The following DTWD2 variants were observed in gnomAD, a reference collection of about 807,000 sequenced individuals.
DTWD2 encodes the protein tRNA-uridine aminocarboxypropyltransferase 2.
In DTWD2, 39 loss-of-function variants were observed where a neutral mutation model predicts 31.8. The ratio of observed to expected loss-of-function variants is 1.22; its 90% CI spans 0.95 to 1.60. The LOEUF (loss-of-function observed/expected upper bound fraction) is 1.60. Ranked by LOEUF, DTWD2 falls within the 40% of genes most tolerant of loss-of-function variation. The pLI is 0.00. For missense variants in DTWD2, 515 were observed against 381.5 expected (o/e 1.35, Z -2.92); for synonymous variants, 180 against 142.8 (o/e 1.26, Z -1.86).
At chr5:118,851,580 T>C (rs1171413355) in intron 4 of DTWD2, among the ~76,000 whole-genome samples, 1 of 151,418 alleles carries the variant, frequency 6.6e-6, no homozygotes, top group East Asian at 1.9e-4. Flanking sequence ...TAAGTGTCTA[T>C]GTTCAGCTGT....
In DTWD2 at chr5:118,903,497, T is replaced by C. The variant is rs551581755; in HGVS notation, c.597+25040A>G. Among the ~76,000 whole-genome samples the C allele has an allele frequency of 3.7e-4, 56 of 152,132 alleles. 1 individual carries two copies. The highest frequency in any genetic ancestry group is 3.5e-3 in the Admixed American group (53 of 15,284). On this transcript the variant is annotated intron_variant, in intron 4 of 5. Transcript: ENST00000510708. ...TGTTAAAGGGTTGAAAATATTCCAATTGCACACAGTGAAAATTAAATTATG... is the reference window on the plus strand; with the variant it reads ...TGTTAAAGGGTTGAAAATATTCCAACTGCACACAGTGAAAATTAAATTATG...
rs535422932 is a variant in DTWD2, at chr5:118,847,266, G to A, written c.726+824C>T. ...GAAGGCAGGAAAGAGTACCTCTTTC[G>A]CGTGTGTATGTGCGTGTGTGCATCC... is the stretch of plus-strand genomic sequence containing the variant. On this transcript the variant is annotated intron_variant, in intron 5 of 5. Transcript: ENST00000510708. Among the ~76,000 whole-genome samples, 263 of 152,084 alleles carry A rather than the reference G, an allele frequency of 1.7e-3. 2 individuals are homozygous for A. Among genetic ancestry groups the A allele is most frequent in the Middle Eastern group, 0.01 (3 of 294 alleles).
At chr5:118,920,264 G>A (rs890728207) in intron 4 of DTWD2, among the ~76,000 whole-genome samples, 4 of 151,202 alleles carry the variant, frequency 2.6e-5, no homozygotes, top group South Asian at 2.1e-4. Context: ...GGAAAACTGG[G>A]GTATCATATA....
At chr5:118,849,604 T>G (rs1751950012) in intron 4 of DTWD2, among the ~76,000 whole-genome samples, 1 of 152,136 alleles carries the variant, frequency 6.6e-6, no homozygotes, top group Non-Finnish European at 1.5e-5. Context: ...TTATTCACAA[T>G]AGCAAAGACT....
chr5:118,836,300 G>T lies in DTWD2; in HGVS notation c.*4617C>A, dbSNP rs1013350241. On this transcript the variant is annotated 3_prime_UTR_variant, in exon 6 of 6. Coordinates refer to ENST00000510708, the MANE Select transcript of DTWD2 (RefSeq NM_173666.4). ...CTGTCGCCCAGGCTAGAGTGCAGTG[G>T]TACATCTCAGCTCACTGCAACCTCT... Among the ~76,000 whole-genome samples, 4 of 151,994 alleles carry T rather than the reference G, an allele frequency of 2.6e-5. No individual in the cohort carries two copies. Among genetic ancestry groups the T allele is most frequent in the African/African-American group, 7.3e-5 (3 of 41,368 alleles).
At chr5:118,944,180 A>G (rs1394790018) in intron 2 of DTWD2, among the ~76,000 whole-genome samples, 2 of 152,252 alleles carry the variant, frequency 1.3e-5, no homozygotes, top group East Asian at 3.8e-4. Context: ...GTAAAATGCC[A>G]AAGTTACTTC....
intron 4 of DTWD2, among the ~76,000 whole-genome samples, chr5:118,852,429 C>A (rs566946404): frequency 2.0e-5 from 3 of 152,086 alleles, no homozygotes; most frequent in Non-Finnish European, 4.4e-5. Flanking sequence ...TCCATGAAAT[C>A]TTCACAATTT....
At chr5:118,929,007 T>C (rs186401446) in intron 3 of DTWD2, among the ~76,000 whole-genome samples, 75 of 152,334 alleles carry the variant, frequency 4.9e-4, no homozygotes, top group African/African-American at 1.7e-3. Context: ...GACATAACTT[T>C]AGCCCTTCCA....
At chr5:118,914,921 T>C (rs1054794206) in intron 4 of DTWD2, among the ~76,000 whole-genome samples, 3 of 152,116 alleles carry the variant, frequency 2.0e-5, no homozygotes, top group African/African-American at 7.2e-5. Flanking sequence ...AAAATCCTTA[T>C]AAAACAAAAA....
At chr5:118,979,683 G>C (rs949430925) in intron 1 of DTWD2, among the ~76,000 whole-genome samples, 6 of 152,362 alleles carry the variant, frequency 3.9e-5, no homozygotes, top group African/African-American at 1.2e-4. Context: ...TAAGGAATGA[G>C]ATCATGTCCT....
intron 4 of DTWD2, among the ~76,000 whole-genome samples, chr5:118,910,229 T>C (rs977666072): frequency 1.3e-5 from 2 of 152,246 alleles, no homozygotes; most frequent in African/African-American, 4.8e-5. Flanking sequence ...CATTTTACTA[T>C]AAGCATTTAA....
chr5:118,964,202 A>G (rs1471920809), intron 1 of DTWD2, among the ~76,000 whole-genome samples: 1 of 148,988 alleles, frequency 6.7e-6, no homozygotes, highest in Non-Finnish European at 1.5e-5. Flanking sequence ...TGAGCAACAG[A>G]GCAAGACTCC....
rs1396969756 is a variant in DTWD2, at chr5:118,936,749, G to GA, written c.404+2446dup. ...AAAAGAGAAATTAAATCCAAAGCAA[G>GA]AAAAAAATTGACAATAAAGAGTAGA... On this transcript the variant is annotated intron_variant, in intron 3 of 5. Transcript: ENST00000510708. Among the ~76,000 whole-genome samples, 3 of 151,228 alleles carry GA rather than the reference G, an allele frequency of 2.0e-5. No homozygotes were observed. The South Asian group carries it at 6.3e-4, about 32-fold the overall frequency.
At chr5:118,848,016 A>G (rs1751899300) in intron 5 of DTWD2, 74 bp downstream of exon 5, 11 of 1,385,802 alleles carry the variant, frequency 7.9e-6, no homozygotes, top group Non-Finnish European at 1.0e-5. Context: ...AAATTTAACA[A>G]GCATGTCTAA....
chr5:118,847,680 T>G (rs968964384), intron 5 of DTWD2, among the ~76,000 whole-genome samples: 1 of 151,924 alleles, frequency 6.6e-6, no homozygotes, highest in African/African-American at 2.4e-5. Context: ...AAAGTTAGTA[T>G]ACGGCACCAA....
chr5:118,921,049 C>G (rs961170610), intron 4 of DTWD2, among the ~76,000 whole-genome samples: 3 of 152,022 alleles, frequency 2.0e-5, no homozygotes, highest in South Asian at 4.1e-4. Flanking sequence ...CCTATTATAT[C>G]CTATTCTATC....
intron 3 of DTWD2, among the ~76,000 whole-genome samples, chr5:118,935,154 T>C (rs1393545311): frequency 1.3e-5 from 2 of 152,160 alleles, no homozygotes; most frequent in Non-Finnish European, 2.9e-5. Context: ...GAGCTGAACA[T>C]GTGGCCATTC....
intron 1 of DTWD2, among the ~76,000 whole-genome samples, chr5:118,954,135 G>T (rs1754529652): frequency 6.6e-6 from 1 of 152,146 alleles, no homozygotes; most frequent in African/African-American, 2.4e-5. Flanking sequence ...GCCAGACACG[G>T]TGGTGCACAG....
At position 118,931,731 on chromosome 5, in the gene DTWD2, A is replaced by G. The variant is rs575186458; in HGVS notation, c.405-3002T>C. ...ATTGTTGGCCTGAACAGCATTATCAATCAACTTGATCTAATTGATATTTAT... is the reference window on the plus strand; with the variant it reads ...ATTGTTGGCCTGAACAGCATTATCAGTCAACTTGATCTAATTGATATTTAT... On this transcript the variant is annotated intron_variant, in intron 3 of 5. Transcript: ENST00000510708. Among the ~76,000 whole-genome samples the G allele has an allele frequency of 5.0e-4, 76 of 152,342 alleles. 1 individual carries two copies. The highest frequency in any genetic ancestry group is 1.7e-3 in the African/African-American group (72 of 41,584).
Sources: gnomAD v4.1 joint callset for allele counts (sites outside exome capture counted in the v4.1 genomes callset) on GRCh38, gnomAD v4.1.1 for gene constraint, MANE v1.5 for transcripts, NCBI Gene and HGNC (gene_info 2026-07-23, HGNC 2026-07-21) for gene names.